The following DCHS2 variants were observed in gnomAD, a reference collection of about 807,000 sequenced individuals.
The protein encoded by DCHS2 is dachsous cadherin-related 2.
In DCHS2, 142 loss-of-function variants were observed where a neutral mutation model predicts 182.4. The observed-to-expected ratio is 0.78, with a 90% CI of 0.68 to 0.89. The LOEUF is 0.89. Among genes scored for constraint, DCHS2 ranks in the 40% least tolerant of loss-of-function variants. The probability of loss-of-function intolerance (pLI) is 0.00; values close to 1 mark genes in which losing one functional copy is unlikely to be tolerated. For missense variants in DCHS2, 4,319 were observed against 4,198.6 expected (o/e 1.03, Z -0.79); for synonymous variants, 1,740 against 1,663.3 (o/e 1.05, Z -1.12).
chr4:154,429,782 A>G (rs1260225909), intron 1 of DCHS2, among the ~76,000 whole-genome samples: 1 of 152,026 alleles, frequency 6.6e-6, no homozygotes, highest in African/African-American at 2.4e-5. Flanking sequence ...TCTCCTGTGT[A>G]TAACAAGCAT....
chr4:154,471,002 T>G (rs1277237605), intron 1 of DCHS2, among the ~76,000 whole-genome samples: 1 of 152,256 alleles, frequency 6.6e-6, no homozygotes, highest in African/African-American at 2.4e-5. Flanking sequence ...ACAGAAGCAA[T>G]CTAACATCAA....
chr4:154,393,907 T>C (rs929019591), intron 1 of DCHS2, among the ~76,000 whole-genome samples: 144 of 152,172 alleles, frequency 9.5e-4, no homozygotes, highest in African/African-American at 3.4e-3. Context: ...TTTATGTATA[T>C]AAATATTTAT....
chr4:154,449,298 A>G (rs949509516), intron 1 of DCHS2, among the ~76,000 whole-genome samples: 1 of 152,156 alleles, frequency 6.6e-6, no homozygotes, highest in African/African-American at 2.4e-5. Flanking sequence ...GATATTTTCA[A>G]TTAATCTTGA....
chr4:154,338,891 A>C (rs1165532245), intron 3 of DCHS2, among the ~76,000 whole-genome samples: 1 of 152,242 alleles, frequency 6.6e-6, no homozygotes, highest in Non-Finnish European at 1.5e-5. Context: ...AGTATTAGCC[A>C]GGATTCTCCA....
chr4:154,460,379 G>T (rs1404759936), intron 1 of DCHS2, among the ~76,000 whole-genome samples: 2 of 152,128 alleles, frequency 1.3e-5, no homozygotes, highest in Non-Finnish European at 2.9e-5. Context: ...TGAGACATTT[G>T]TAAACCTCCT....
chr4:154,313,520 T>G (rs1354682719), intron 10 of DCHS2, among the ~76,000 whole-genome samples: 1 of 152,268 alleles, frequency 6.6e-6, no homozygotes, highest in South Asian at 2.1e-4. Context: ...ATACGTACTA[T>G]AAAGTAAACC....
intron 1 of DCHS2, among the ~76,000 whole-genome samples, chr4:154,405,250 CA>C (rs1206592059): frequency 3.3e-5 from 5 of 151,910 alleles, no homozygotes; most frequent in Non-Finnish European, 7.4e-5. Context: ...AACTCCATCT[CA>C]AAATAAATAA....
In DCHS2 at chr4:154,270,866, G is replaced by A. The variant is rs369052990; in HGVS notation, c.6464-853C>T. On this transcript the variant is annotated intron_variant, in intron 13 of 19. Coordinates refer to ENST00000357232, the MANE Select transcript of DCHS2 (RefSeq NM_001358235.2). The stretch of plus-strand genomic sequence containing the variant: ...AGAAATATTCCCTCAACCAGCTTCC[G>A]ATCTAGCTGTAGGAAAAAGCAACCC... Among the ~76,000 whole-genome samples, 7 of 152,144 alleles carry A rather than the reference G, an allele frequency of 4.6e-5. No individual in the cohort carries two copies. In the South Asian group the frequency reaches 1.2e-3, roughly 27 times the overall value.
At chr4:154,310,345 T>C (rs1315404254) in intron 10 of DCHS2, among the ~76,000 whole-genome samples, 2 of 152,222 alleles carry the variant, frequency 1.3e-5, no homozygotes, top group African/African-American at 4.8e-5. Context: ...ATTTAATGTG[T>C]TAGCCCATAG....
Position 154,270,010 on chromosome 4 carries a change from G to A in DCHS2, c.6467C>T (p.Thr2156Ile), listed in dbSNP as rs146032523. 3.8e-3 allele frequency: 6,082 copies of A among 1,595,050 alleles called. 83 individuals are homozygous for A. Among genetic ancestry groups the A allele is most frequent in the South Asian group, 0.035 (3,075 of 87,202 alleles). ...GLVTENCEAG[T>I]SIVTVKAFAP... ...AAAAGCTTTAACAGTCACAATAGAAGTACCTGTAAAAATTAGGTAAAAAAA... is the reference window on the plus strand; with the variant it reads ...AAAAGCTTTAACAGTCACAATAGAAATACCTGTAAAAATTAGGTAAAAAAA... Residue 2156 changes from threonine to isoleucine, a missense_variant, in exon 14 of 20, where the codon ACT (threonine) becomes ATT (isoleucine). Physicochemically the swap from Thr to Ile is moderately conservative, Grantham distance 89. Transcript: ENST00000357232.
chr4:154,355,187 A>C (rs1276545623), intron 3 of DCHS2, among the ~76,000 whole-genome samples: 1 of 152,186 alleles, frequency 6.6e-6, no homozygotes, highest in African/African-American at 2.4e-5. Flanking sequence ...GATACCAGTC[A>C]CAAAGACTCT....
intron 1 of DCHS2, among the ~76,000 whole-genome samples, chr4:154,402,328 C>A (rs1579050070): frequency 6.6e-6 from 1 of 152,128 alleles, no homozygotes; most frequent in Middle Eastern, 3.4e-3. Context: ...TCCCCATCTC[C>A]CAACCCCCAA....
intron 1 of DCHS2, among the ~76,000 whole-genome samples, chr4:154,378,262 G>C (rs1429031892): frequency 6.6e-6 from 1 of 151,980 alleles, no homozygotes; most frequent in Non-Finnish European, 1.5e-5. Context: ...CTAACTGTGG[G>C]AGTATATAGT....
intron 1 of DCHS2, among the ~76,000 whole-genome samples, chr4:154,445,826 C>T (rs953083907): frequency 1.2e-4 from 16 of 138,868 alleles, no homozygotes; most frequent in Non-Finnish European, 9.4e-5. Context: ...AAAAAAAAAA[C>T]GAAAGAAAGA....
At chr4:154,248,823 C>T (rs1732211826) in intron 16 of DCHS2, among the ~76,000 whole-genome samples, 1 of 152,068 alleles carries the variant, frequency 6.6e-6, no homozygotes. Context: ...CCAGCAAAAA[C>T]AAGCAATGAG....
chr4:154,279,156 G>A (rs746518244), intron 13 of DCHS2, among the ~76,000 whole-genome samples: 2 of 152,006 alleles, frequency 1.3e-5, no homozygotes, highest in Non-Finnish European at 2.9e-5. Context: ...TTGAGCTAGA[G>A]CTGTTATAAA....
chr4:154,272,286 G>A (rs1378105581), intron 13 of DCHS2: 2 of 152,020 alleles, frequency 1.3e-5, no homozygotes, highest in Non-Finnish European at 2.9e-5. Context: ...AAATACCTAC[G>A]GTAAGTATAC....
chr4:154,377,590 C>A (rs558970731), intron 1 of DCHS2, 146 bp from the exon 2 acceptor site: 2 of 601,420 alleles, frequency 3.3e-6, no homozygotes, highest in Non-Finnish European at 5.7e-6. Context: ...TCTCTCTCCT[C>A]GCTTACCTTC....
intron 1 of DCHS2, among the ~76,000 whole-genome samples, chr4:154,459,796 C>T (rs1734938522): frequency 6.6e-6 from 1 of 151,692 alleles, no homozygotes; most frequent in Admixed American, 6.6e-5. Context: ...GTCTATCTCC[C>T]TCTCTTTCTC....
Sources: allele counts gnomAD v4.1 joint callset (sites outside exome capture counted in the v4.1 genomes callset), GRCh38; gene constraint gnomAD v4.1.1; transcripts MANE v1.5; gene names NCBI Gene and HGNC (gene_info 2026-07-23, HGNC 2026-07-21).